MEGF6: variants seen among roughly 807,000 people sequenced by gnomAD.
The protein encoded by MEGF6 is multiple epidermal growth factor-like domains protein 6.
In MEGF6, 184 loss-of-function variants were observed where a neutral mutation model predicts 207.1. That is an observed-to-expected ratio of 0.89 (90% confidence interval 0.79 to 1.00). MEGF6 has a LOEUF of 1.00. Ranked by LOEUF, MEGF6 falls within the 50% of genes least tolerant of loss-of-function variation. The pLI, the probability that MEGF6 is intolerant of heterozygous loss-of-function variation, is 0.00. For missense variants in MEGF6, 2,282 were observed against 2,202.9 expected, an observed-to-expected ratio of 1.04 and a Z score of -0.72; for synonymous variants, 1,038 against 910.0, an observed-to-expected ratio of 1.14 and a Z score of -2.53.
At chr1:3,600,265 C>T (rs2101871837) in intron 2 of MEGF6, among the ~76,000 whole-genome samples, 1 of 152,344 alleles carries the variant, frequency 6.6e-6, no homozygotes, top group East Asian at 1.9e-4. Context: ...ACCCAGGTAT[C>T]TGCTGTGTGG....
chr1:3,518,065 C>T (rs1197547594), intron 5 of MEGF6, among the ~76,000 whole-genome samples: 1 of 152,220 alleles, frequency 6.6e-6, no homozygotes, highest in African/African-American at 2.4e-5. Flanking sequence ...ACTTCCAGAT[C>T]AGATGCAACT....
chr1:3,574,885 C>T (rs897363030), intron 4 of MEGF6, among the ~76,000 whole-genome samples: 9 of 152,170 alleles, frequency 5.9e-5, no homozygotes, highest in South Asian at 2.1e-4. Context: ...TCAAGTGATA[C>T]ACGTGCCTCG....
Position 3,499,813 on chromosome 1 carries a change from C to T in MEGF6, c.2819G>A (p.Gly940Asp). 1.9e-6 allele frequency: 3 copies of T among 1,555,210 alleles called. No individual in the cohort carries two copies. Among genetic ancestry groups the T allele is most frequent in the South Asian group, 1.2e-5 (1 of 84,578 alleles). ...TAGCTCACCATGCTCGCAGAAGGTG[C>T]CCCTCCAGCCGGCCGGGCAGGTGCA... is the stretch of plus-strand genomic sequence containing the variant. ...GACTCPAGWR[G>D]TFCEHACPAG... The change falls in exon 22 of 37, where the codon GGC becomes GAC. Residue 940 changes from glycine to aspartate, a missense_variant. Transcript: ENST00000356575.
intron 4 of MEGF6, among the ~76,000 whole-genome samples, chr1:3,555,432 G>C (rs754217865): frequency 3.3e-5 from 5 of 152,230 alleles, no homozygotes; most frequent in Non-Finnish European, 7.3e-5. Flanking sequence ...ATGTCCAGAC[G>C]AGACAGGAAA....
At chr1:3,523,691 C>T (rs573163759) in intron 5 of MEGF6, among the ~76,000 whole-genome samples, 1 of 152,344 alleles carries the variant, frequency 6.6e-6, no homozygotes, top group African/African-American at 2.4e-5. Flanking sequence ...GCGTCCCCCA[C>T]CACGTAGCAC....
intron 36 of MEGF6, 43 bp downstream of exon 36, chr1:3,490,867 ACC>A: frequency 6.4e-7 from 1 of 1,555,686 alleles, no homozygotes; most frequent in East Asian, 2.4e-5. Flanking sequence ...CTTTGCCATA[ACC>A]CACCCTCCTG....
intron 25 of MEGF6, 32 bp downstream of exon 25, chr1:3,498,666 G>A (rs759518247): frequency 1.3e-6 from 2 of 1,533,988 alleles, no homozygotes; most frequent in African/African-American, 1.4e-5. Flanking sequence ...AGCATGCTGG[G>A]GTATGTCCCT....
intron 5 of MEGF6, among the ~76,000 whole-genome samples, chr1:3,523,077 G>GGA (rs200683435): frequency 2.0e-5 from 3 of 146,802 alleles, no homozygotes; most frequent in Non-Finnish European, 4.4e-5. Context: ...TGTGTGCCGG[G>GGA]GGGGGGGCCC....
intron 30 of MEGF6, among the ~76,000 whole-genome samples, chr1:3,495,616 A>G (rs541136284): frequency 2.0e-5 from 3 of 152,214 alleles, no homozygotes; most frequent in South Asian, 2.1e-4. Flanking sequence ...GGCCACCTCT[A>G]TGAGGATGGG....
intron 1 of MEGF6, among the ~76,000 whole-genome samples, chr1:3,604,047 C>T (rs1336226734): frequency 6.6e-6 from 1 of 152,200 alleles, no homozygotes; most frequent in East Asian, 1.9e-4. Context: ...ACAGCAGGGG[C>T]TCCACCAGGC....
At chr1:3,542,528 A>G (rs1191146958) in intron 4 of MEGF6, among the ~76,000 whole-genome samples, 1 of 152,068 alleles carries the variant, frequency 6.6e-6, no homozygotes, top group Non-Finnish European at 1.5e-5. Flanking sequence ...GGTCAAGAGG[A>G]GGCAGAGGAA....
chr1:3,534,190 G>A (rs867236692), intron 4 of MEGF6, among the ~76,000 whole-genome samples: 33 of 152,222 alleles, frequency 2.2e-4, no homozygotes, highest in African/African-American at 6.5e-4. Context: ...GCGTGCTAGC[G>A]TCACACATGT....
At chr1:3,492,869 T>A in intron 34 of MEGF6, 102 bp from the exon 35 acceptor site, 1 of 1,477,548 alleles carries the variant, frequency 6.8e-7, no homozygotes, top group South Asian at 1.3e-5. Context: ...CCAGGTGGAG[T>A]GAAGCCTTCT....
chr1:3,490,711 G>GGTGGGGCCCACCCATCCTTCCC, intron 36 of MEGF6, 122 bp from the exon 37 acceptor site: 1 of 1,184,130 alleles, frequency 8.4e-7, no homozygotes, highest in Non-Finnish European at 1.2e-6. Context: ...CCAGCAGGTG[G>GGTGGGGCCCACCCATCCTTCCC]GTGGGGCCCA....
chr1:3,544,942 G>A (rs1030217085), intron 4 of MEGF6, among the ~76,000 whole-genome samples: 9 of 152,172 alleles, frequency 5.9e-5, no homozygotes, highest in Non-Finnish European at 7.4e-5. Context: ...TCGGGTCACC[G>A]GACAGTGACC....
At chr1:3,511,931 A>T in intron 8 of MEGF6, 75 bp downstream of exon 8, 2 of 1,599,884 alleles carry the variant, frequency 1.3e-6, no homozygotes, top group South Asian at 2.2e-5. Context: ...CCTTCAGCCA[A>T]AGCAGGCCTC....
chr1:3,605,617 T>C (rs1489210426), intron 1 of MEGF6, among the ~76,000 whole-genome samples: 1 of 151,984 alleles, frequency 6.6e-6, no homozygotes, highest in Non-Finnish European at 1.5e-5. Context: ...ATCACATACA[T>C]ACTCATGCAC....
chr1:3,498,957 G>A (rs528302359), intron 24 of MEGF6, 131 bp from the exon 25 acceptor site: 1 of 1,414,180 alleles, frequency 7.1e-7, no homozygotes, highest in Non-Finnish European at 9.5e-7. Context: ...AGGATGACCT[G>A]CCAGCCCAGC....
intron 4 of MEGF6, among the ~76,000 whole-genome samples, chr1:3,545,945 GC>G (rs1220846374): frequency 1.3e-5 from 2 of 152,102 alleles, no homozygotes; most frequent in Non-Finnish European, 2.9e-5. Flanking sequence ...GCTGGCCCCT[GC>G]CCCCCTCCAA....
Sources: allele counts gnomAD v4.1 joint callset (sites outside exome capture counted in the v4.1 genomes callset), GRCh38; gene constraint gnomAD v4.1.1; transcripts MANE v1.5; gene names NCBI Gene and HGNC (gene_info 2026-07-23, HGNC 2026-07-21).